Variants in SLC24A3 observed in about 807,000 individuals in gnomAD.
SLC24A3 encodes sodium/potassium/calcium exchanger 3.
SLC24A3 carries 28 observed loss-of-function variants against 75.8 expected under a neutral mutation model. The ratio of observed to expected loss-of-function variants is 0.37; its 90% CI spans 0.27 to 0.51. The LOEUF (loss-of-function observed/expected upper bound fraction) is 0.51. Ranked by LOEUF, SLC24A3 falls within the 20% of genes least tolerant of loss-of-function variation. SLC24A3 has a pLI of 0.94. For synonymous variants in SLC24A3, 372 were observed against 334.1 expected (o/e 1.11, Z -1.24); for missense variants, 663 against 847.8 (o/e 0.78, Z 2.71).
At chr20:19,318,746 G>A (rs16980358) in intron 2 of SLC24A3, among the ~76,000 whole-genome samples, 5,996 of 152,088 alleles carry the variant, frequency 0.039, 390 homozygotes, top group African/African-American at 0.14. Context: ...AAGGACACGT[G>A]GGATGCTCTT....
chr20:19,651,841 A>T (rs1568685626), intron 6 of SLC24A3, among the ~76,000 whole-genome samples: 2 of 144,992 alleles, frequency 1.4e-5, no homozygotes, highest in Non-Finnish European at 3.0e-5. Context: ...AGCCTGGGTG[A>T]CAGAGAGAGA....
chr20:19,634,550 C>A (rs1255991438), intron 6 of SLC24A3, among the ~76,000 whole-genome samples: 1 of 151,586 alleles, frequency 6.6e-6, no homozygotes, highest in African/African-American at 2.4e-5. Context: ...AATCAATGAA[C>A]AAATCTAATA....
intron 3 of SLC24A3, among the ~76,000 whole-genome samples, chr20:19,550,664 C>T (rs1460051357): frequency 6.6e-6 from 1 of 152,142 alleles, no homozygotes; most frequent in East Asian, 1.9e-4. Context: ...TTTCCTTTTG[C>T]CTTTGCATAT....
intron 2 of SLC24A3, among the ~76,000 whole-genome samples, chr20:19,392,896 G>T (rs1366608321): frequency 6.6e-6 from 1 of 152,050 alleles, no homozygotes; most frequent in Non-Finnish European, 1.5e-5. Flanking sequence ...TTCCCTTCTT[G>T]CAAGGAAAGG....
intron 3 of SLC24A3, among the ~76,000 whole-genome samples, chr20:19,528,034 C>T (rs1301474140): frequency 6.6e-6 from 1 of 152,164 alleles, no homozygotes; most frequent in South Asian, 2.1e-4. Flanking sequence ...TCCCAGGCTC[C>T]AAGATTCCAC....
chr20:19,637,167 G>A lies in SLC24A3; in HGVS notation c.613-16895G>A, dbSNP rs564148383. Reference sequence around the variant, plus strand: ...AATACAAAAATTAGCCAGACATGGCGGTGCATGCCTGTAATCCCAGCTTTT... The same window carrying A: ...AATACAAAAATTAGCCAGACATGGCAGTGCATGCCTGTAATCCCAGCTTTT... On this transcript the variant is annotated intron_variant, in intron 6 of 16. Coordinates refer to ENST00000328041, the MANE Select transcript of SLC24A3 (RefSeq NM_020689.4). Among the ~76,000 whole-genome samples, 423 of 152,318 alleles carry A rather than the reference G, an allele frequency of 2.8e-3. 1 individual carries two copies. Among genetic ancestry groups the A allele is most frequent in the African/African-American group, 9.3e-3 (386 of 41,564 alleles).
intron 7 of SLC24A3, among the ~76,000 whole-genome samples, chr20:19,663,345 G>A (rs934644255): frequency 1.3e-4 from 17 of 130,462 alleles, no homozygotes; most frequent in South Asian, 2.7e-4. Context: ...GGATAAACCC[G>A]AATGATATTT....
At chr20:19,460,009 C>A (rs1987642500) in intron 2 of SLC24A3, among the ~76,000 whole-genome samples, 1 of 152,178 alleles carries the variant, frequency 6.6e-6, no homozygotes, top group Admixed American at 6.5e-5. Flanking sequence ...CTAGGGGATG[C>A]TGATACTGCT....
At chr20:19,277,840 C>T (rs73278918) in intron 1 of SLC24A3, among the ~76,000 whole-genome samples, 2,305 of 152,306 alleles carry the variant, frequency 0.015, 72 homozygotes, top group African/African-American at 0.053. Flanking sequence ...TATGAAGGAA[C>T]TTTGGAAGTC....
intron 2 of SLC24A3, among the ~76,000 whole-genome samples, chr20:19,453,134 C>T (rs1421445482): frequency 6.6e-6 from 1 of 152,090 alleles, no homozygotes; most frequent in Non-Finnish European, 1.5e-5. Flanking sequence ...GACCCGAGAT[C>T]GCACCACTGC....
At chr20:19,531,136 G>A (rs551348987) in intron 3 of SLC24A3, among the ~76,000 whole-genome samples, 5 of 152,056 alleles carry the variant, frequency 3.3e-5, no homozygotes, top group Non-Finnish European at 7.4e-5. Flanking sequence ...GAGCAGAAAG[G>A]CCCCCTGATG....
At position 19,379,382 on chromosome 20, in the gene SLC24A3, C is replaced by T. The variant is rs78259787; in HGVS notation, c.271+98295C>T. 5.1e-3 allele frequency among the ~76,000 whole-genome samples: 782 copies of T among 152,244 alleles called. 7 individuals are homozygous for T. Among genetic ancestry groups the T allele is most frequent in the African/African-American group, 0.018 (737 of 41,522 alleles). On this transcript the variant is annotated intron_variant, in intron 2 of 16. Transcript: ENST00000328041. ...GGCTGGAAGGCCAAGATGCCAGCCACGTGGGATCAGGGTTTTGCTGAGTTT... is the reference window on the plus strand; with the variant it reads ...GGCTGGAAGGCCAAGATGCCAGCCATGTGGGATCAGGGTTTTGCTGAGTTT...
At chr20:19,555,125 TC>T (rs1223616561) in intron 3 of SLC24A3, among the ~76,000 whole-genome samples, 2 of 152,194 alleles carry the variant, frequency 1.3e-5, no homozygotes, top group African/African-American at 2.4e-5. Flanking sequence ...TAATGAATCT[TC>T]AAATAGAATT....
chr20:19,665,748 A>G lies in SLC24A3; in HGVS notation c.688-116A>G. The G allele has an allele frequency of 3.0e-6, 4 of 1,339,660 alleles. No individual in the cohort carries two copies. The South Asian group carries it at 6.0e-5, about 20-fold the overall frequency. The allele number at this position is 1,339,660 out of a possible 1,614,324, so 83.0% of individuals were successfully genotyped here. On this transcript the variant is annotated intron_variant, in intron 7 of 16. Transcript: ENST00000328041. ...GTCCCAGGACAACCCAGTCCTGATT[A>G]CACCATCCCAGGAACAAGGTGGATA... is the stretch of plus-strand genomic sequence containing the variant.
At chr20:19,709,170 C>T (rs1408409892) in intron 15 of SLC24A3, among the ~76,000 whole-genome samples, 1 of 152,128 alleles carries the variant, frequency 6.6e-6, no homozygotes, top group Admixed American at 6.5e-5. Flanking sequence ...ATCCGAGGGG[C>T]AAGGGAGCTG....
At chr20:19,498,567 C>A (rs1479405189) in intron 2 of SLC24A3, among the ~76,000 whole-genome samples, 4 of 152,170 alleles carry the variant, frequency 2.6e-5, no homozygotes, top group African/African-American at 4.8e-5. Flanking sequence ...CATGCTGACA[C>A]CTTCCTTCCT....
intron 2 of SLC24A3, among the ~76,000 whole-genome samples, chr20:19,430,409 G>A (rs1273478112): frequency 2.6e-5 from 4 of 152,150 alleles, no homozygotes; most frequent in African/African-American, 9.7e-5. Context: ...AGGAAGGAGG[G>A]AAGTTGGGTG....
rs80171518 is a variant in SLC24A3 at position 19,343,259 on chromosome 20, G to A, written c.271+62172G>A. 5.5e-3 allele frequency among the ~76,000 whole-genome samples: 843 copies of A among 152,106 alleles called. 9 individuals are homozygous for A. The highest frequency in any genetic ancestry group is 0.017 in the African/African-American group (722 of 41,498). On this transcript the variant is annotated intron_variant, in intron 2 of 16. Transcript: ENST00000328041. ...ATCAAGGCAATGTACCACTGAGACTGAGAGCAGTTTGTTTGACCCACACAA... is the reference window on the plus strand; with the variant it reads ...ATCAAGGCAATGTACCACTGAGACTAAGAGCAGTTTGTTTGACCCACACAA...
chr20:19,215,264 T>C (rs1050307547), intron 1 of SLC24A3, among the ~76,000 whole-genome samples: 8 of 152,112 alleles, frequency 5.3e-5, no homozygotes, highest in African/African-American at 1.9e-4. Flanking sequence ...ATACTGAAGT[T>C]TGGAATGGAG....
Sources: allele counts gnomAD v4.1 joint callset (sites outside exome capture counted in the v4.1 genomes callset), GRCh38; gene constraint gnomAD v4.1.1; transcripts MANE v1.5; gene names NCBI Gene and HGNC (gene_info 2026-07-23, HGNC 2026-07-21).